MAN1A2: variants seen among roughly 807,000 people sequenced by gnomAD.
MAN1A2 encodes mannosyl-oligosaccharide 1,2-alpha-mannosidase IB.
In MAN1A2, 26 loss-of-function variants were observed where a neutral mutation model predicts 75.7. The ratio of observed to expected loss-of-function variants is 0.34; its 90% CI spans 0.25 to 0.48. The LOEUF (loss-of-function observed/expected upper bound fraction) is 0.48, where lower values mean the gene tolerates loss of function less well. MAN1A2 is among the 20% of genes least tolerant of loss of function. The probability of loss-of-function intolerance (pLI) is 0.99; values close to 1 mark genes in which losing one functional copy is unlikely to be tolerated. For synonymous variants in MAN1A2, 247 were observed against 264.6 expected, an observed-to-expected ratio of 0.93 and a Z score of 0.65; for missense variants, 562 against 775.5, an observed-to-expected ratio of 0.72 and a Z score of 3.27.
chr1:117,458,524 T>TATAA (rs373076182), intron 6 of MAN1A2, among the ~76,000 whole-genome samples: 17,141 of 71,102 alleles, frequency 0.24, 1,773 homozygotes, highest in East Asian at 0.33. Context: ...TATATATATA[T>TATAA]TTTTTTTTTT....
intron 8 of MAN1A2, among the ~76,000 whole-genome samples, chr1:117,489,565 G>C (rs770905005): frequency 6.6e-6 from 1 of 151,730 alleles, no homozygotes; most frequent in Non-Finnish European, 1.5e-5. Context: ...TTCTTGTTAC[G>C]TATGTTGCAC....
intron 5 of MAN1A2, among the ~76,000 whole-genome samples, chr1:117,433,417 G>A (rs1399454176): frequency 3.3e-5 from 5 of 152,066 alleles, no homozygotes; most frequent in African/African-American, 2.4e-5. Context: ...GGACACCTAC[G>A]AAAACTCTAC....
Position 117,499,542 on chromosome 1 carries a change from G to A in MAN1A2, c.1665G>A (p.Trp555Ter). The A allele has an allele frequency of 6.2e-7, 1 of 1,601,358 alleles. No homozygotes were observed. The highest frequency in any genetic ancestry group is 8.5e-7 in the Non-Finnish European group (1 of 1,174,008). ...ATCCAAGATACAGGCAGTGGGGCTG[G>A]GAAGCAGCACTGGTAAATAAGCCAA... is the stretch of plus-strand genomic sequence containing the variant. The part of the protein sequence containing the change: ...THDPRYRQWG[W>*]EAALAIEKYC... The change falls in exon 11 of 13, where the codon TGG becomes TGA. Residue 555 changes from tryptophan to a stop codon, truncating the protein, a stop_gained. Coordinates refer to ENST00000356554, the MANE Select transcript of MAN1A2 (RefSeq NM_006699.5). LOFTEE classifies it high-confidence loss of function.
chr1:117,459,791 T>C (rs1435695504), intron 6 of MAN1A2, among the ~76,000 whole-genome samples: 2 of 152,294 alleles, frequency 1.3e-5, no homozygotes, highest in South Asian at 2.1e-4. Context: ...CAAGGGACCA[T>C]CAATAGGGAA....
At chr1:117,457,731 A>G (rs756182326) in intron 6 of MAN1A2, among the ~76,000 whole-genome samples, 3 of 152,162 alleles carry the variant, frequency 2.0e-5, no homozygotes, top group Non-Finnish European at 4.4e-5. Context: ...TCTAAATGGT[A>G]TGCTTTATTC....
At chr1:117,388,739 A>G (rs1653622981) in intron 1 of MAN1A2, among the ~76,000 whole-genome samples, 1 of 152,208 alleles carries the variant, frequency 6.6e-6, no homozygotes, top group Non-Finnish European at 1.5e-5. Context: ...GGGGTCATAT[A>G]TTAAACTGTA....
At chr1:117,458,503 A>T (rs1249726775) in intron 6 of MAN1A2, among the ~76,000 whole-genome samples, 1 of 101,352 alleles carries the variant, frequency 9.9e-6, no homozygotes, top group Non-Finnish European at 2.0e-5. Flanking sequence ...ATATCTATAT[A>T]TATATATAGA....
chr1:117,378,795 G>A (rs1000862187), intron 1 of MAN1A2, among the ~76,000 whole-genome samples: 2 of 152,042 alleles, frequency 1.3e-5, no homozygotes, highest in African/African-American at 2.4e-5. Context: ...GGTGAAACAC[G>A]TATTTTCAAC....
rs561620009 is a variant in MAN1A2, at chr1:117,385,153, C to G, written c.302+16668C>G. Among the ~76,000 whole-genome samples the G allele has an allele frequency of 8.5e-5, 13 of 152,224 alleles. No individual in the cohort carries two copies. In the South Asian group the frequency reaches 2.7e-3, roughly 32 times the overall value. ...AGCTCACCTCAGACAAAATGGATGC[C>G]TGTTGAAATGGGCCTTTTCTCAGTA... is the stretch of plus-strand genomic sequence containing the variant. On this transcript the variant is annotated intron_variant, in intron 1 of 12. Coordinates refer to ENST00000356554, the MANE Select transcript of MAN1A2 (RefSeq NM_006699.5).
intron 1 of MAN1A2, among the ~76,000 whole-genome samples, chr1:117,373,484 GTTTTTT>G (rs34482916): frequency 8.8e-6 from 1 of 113,364 alleles, no homozygotes; most frequent in Non-Finnish European, 1.9e-5. Context: ...TGCTGCATTT[GTTTTTT>G]TTTTTTTTTT....
intron 5 of MAN1A2, among the ~76,000 whole-genome samples, chr1:117,426,529 C>G (rs1320012161): frequency 6.6e-6 from 1 of 152,092 alleles, no homozygotes; most frequent in Non-Finnish European, 1.5e-5. Context: ...CCTAACCTAC[C>G]AAATATCATA....
rs1356903543 is a variant in MAN1A2, at chr1:117,499,370, G to A, written c.1505-12G>A. ...TTTATTTTGCTCAGTTATTTCTTTT[G>A]TCATGTTACAGCATTAAAGCTAGGT... On this transcript the variant is annotated splice_polypyrimidine_tract_variant and intron_variant, in intron 10 of 12. Coordinates refer to ENST00000356554, the MANE Select transcript of MAN1A2 (RefSeq NM_006699.5). The A allele has an allele frequency of 3.9e-6, 6 of 1,532,134 alleles. No homozygotes were observed. The highest frequency in any genetic ancestry group is 4.2e-5 in the Admixed American group (2 of 47,432). 94.9% of individuals were successfully genotyped at this position (1,532,134 alleles called of 1,614,324 possible).
chr1:117,479,981 C>T (rs1650443274), intron 8 of MAN1A2, among the ~76,000 whole-genome samples: 1 of 151,836 alleles, frequency 6.6e-6, no homozygotes, highest in African/African-American at 2.4e-5. Context: ...TTCCTGAGTA[C>T]TCTACTAAAT....
intron 9 of MAN1A2, among the ~76,000 whole-genome samples, chr1:117,495,194 A>G (rs943877331): frequency 2.0e-5 from 3 of 151,800 alleles, no homozygotes; most frequent in African/African-American, 7.2e-5. Context: ...TATCTTGTAA[A>G]TATTTCTGTA....
intron 1 of MAN1A2, among the ~76,000 whole-genome samples, chr1:117,385,350 G>A (rs974901217): frequency 2.0e-5 from 3 of 152,130 alleles, no homozygotes; most frequent in South Asian, 2.1e-4. Flanking sequence ...AACCTATATA[G>A]GTGAGTTCCT....
At position 117,395,823 on chromosome 1, in the gene MAN1A2, C is replaced by T. The variant is rs189101743; in HGVS notation, c.303-6363C>T. 2.6e-5 allele frequency among the ~76,000 whole-genome samples: 4 copies of T among 152,316 alleles called. No homozygotes were observed. In the East Asian group the frequency reaches 7.7e-4, roughly 29 times the overall value. ...TCACATCTGGCACCACTTGCAAATT[C>T]AGAGGGCTCCCCAGACCACCCTCTG... On this transcript the variant is annotated intron_variant, in intron 1 of 12. Coordinates refer to ENST00000356554, the MANE Select transcript of MAN1A2 (RefSeq NM_006699.5).
intron 5 of MAN1A2, among the ~76,000 whole-genome samples, chr1:117,437,986 A>G (rs2101806752): frequency 6.6e-6 from 1 of 152,328 alleles, no homozygotes; most frequent in East Asian, 1.9e-4. Context: ...CAAATTTAAA[A>G]CAAATTGTTG....
At chr1:117,462,301 A>G (rs1025818798) in intron 7 of MAN1A2, among the ~76,000 whole-genome samples, 5 of 152,194 alleles carry the variant, frequency 3.3e-5, no homozygotes, top group East Asian at 1.9e-4. Flanking sequence ...GGCAATTTAT[A>G]TAATAAAATA....
chr1:117,436,350 A>G (rs1483199059), intron 5 of MAN1A2, among the ~76,000 whole-genome samples: 1 of 152,188 alleles, frequency 6.6e-6, no homozygotes, highest in Non-Finnish European at 1.5e-5. Flanking sequence ...AGAGTGGGCT[A>G]GCAGGTTATT....
Sources: allele counts gnomAD v4.1 joint callset (sites outside exome capture counted in the v4.1 genomes callset), GRCh38; gene constraint gnomAD v4.1.1; transcripts MANE v1.5; gene names NCBI Gene and HGNC (gene_info 2026-07-23, HGNC 2026-07-21).